The following CACNA1C variants were observed in gnomAD, a reference collection of about 807,000 sequenced individuals.
CACNA1C encodes the protein voltage-dependent L-type calcium channel subunit alpha-1C.
A neutral mutation model predicts 229.0 loss-of-function variants in CACNA1C; 30 were observed. The observed-to-expected ratio is 0.13, with a 90% CI of 0.10 to 0.18. The LOEUF (loss-of-function observed/expected upper bound fraction) is 0.18. Among genes scored for constraint, CACNA1C ranks in the 10% least tolerant of loss-of-function variants. CACNA1C has a pLI of 1.00. For missense variants in CACNA1C, 1,658 were observed against 2,845.0 expected, an observed-to-expected ratio of 0.58 and a Z score of 9.49; for synonymous variants, 1,114 against 1,132.5, an observed-to-expected ratio of 0.98 and a Z score of 0.33.
chr12:2,690,370 C>T (rs1327897887), intron 46 of CACNA1C, among the ~76,000 whole-genome samples: 1 of 152,198 alleles, frequency 6.6e-6, no homozygotes, highest in African/African-American at 2.4e-5. Flanking sequence ...CGCTCTGTCA[C>T]CCAGGCTGGA....
chr12:2,433,758 G>A (rs931190244), intron 3 of CACNA1C, among the ~76,000 whole-genome samples: 2 of 152,120 alleles, frequency 1.3e-5, no homozygotes, highest in Non-Finnish European at 2.9e-5. Flanking sequence ...GCTTAGTCCT[G>A]CCGACTTCCT....
chr12:2,253,705 T>C (rs1044041088), intron 3 of CACNA1C, among the ~76,000 whole-genome samples: 1 of 152,250 alleles, frequency 6.6e-6, no homozygotes, highest in Non-Finnish European at 1.5e-5. Flanking sequence ...AGTCAGTAAA[T>C]GTCAGTTTCT....
At chr12:2,543,014 G>A (rs955275590) in intron 9 of CACNA1C, among the ~76,000 whole-genome samples, 3 of 152,142 alleles carry the variant, frequency 2.0e-5, no homozygotes, top group South Asian at 4.2e-4. Flanking sequence ...CAAATCTCTT[G>A]AGAGGCCAGC....
chr12:2,470,617 C>T (rs778660655), intron 5 of CACNA1C, among the ~76,000 whole-genome samples: 63 of 152,146 alleles, frequency 4.1e-4, no homozygotes, highest in Non-Finnish European at 7.8e-4. Flanking sequence ...CTGTGTGCCT[C>T]GATTTCCTGA....
At chr12:1,996,744 G>A (rs1461496442) in intron 1 of CACNA1C, among the ~76,000 whole-genome samples, 5 of 150,976 alleles carry the variant, frequency 3.3e-5, no homozygotes, top group Admixed American at 1.3e-4. Flanking sequence ...CCTATGGGCC[G>A]TGGGTTGGAC....
intron 3 of CACNA1C, among the ~76,000 whole-genome samples, chr12:2,278,967 A>G (rs918654220): frequency 6.6e-6 from 1 of 152,098 alleles, no homozygotes; most frequent in Non-Finnish European, 1.5e-5. Flanking sequence ...TGTGTTTTAA[A>G]TTTGCATTTT....
At chr12:2,441,047 C>T (rs1006203974) in intron 3 of CACNA1C, among the ~76,000 whole-genome samples, 1 of 152,196 alleles carries the variant, frequency 6.6e-6, no homozygotes, top group East Asian at 1.9e-4. Context: ...TCTGAAACAA[C>T]CTGAGATACA....
At chr12:2,055,551 A>G (rs1376393445) in intron 1 of CACNA1C, among the ~76,000 whole-genome samples, 1 of 152,158 alleles carries the variant, frequency 6.6e-6, no homozygotes, top group African/African-American at 2.4e-5. Flanking sequence ...GCCTCTCAGC[A>G]TCTCCCTGCT....
At chr12:2,457,346 C>G (rs1224225557) in intron 4 of CACNA1C, among the ~76,000 whole-genome samples, 1 of 152,228 alleles carries the variant, frequency 6.6e-6, no homozygotes, top group Non-Finnish European at 1.5e-5. Flanking sequence ...CTCGCTCAGG[C>G]CTCCCTGGGC....
intron 3 of CACNA1C, among the ~76,000 whole-genome samples, chr12:2,248,792 G>A (rs1486581670): frequency 2.0e-5 from 3 of 152,236 alleles, no homozygotes; most frequent in Admixed American, 2.0e-4. Flanking sequence ...TGGCGGTGAC[G>A]GACTTAGGTT....
chr12:2,090,869 G>A (rs1251043356), intron 1 of CACNA1C, among the ~76,000 whole-genome samples: 5 of 152,116 alleles, frequency 3.3e-5, no homozygotes, highest in East Asian at 3.8e-4. Context: ...AGTGCTTAAC[G>A]TTCTTATTCC....
At chr12:2,588,556 C>G (rs1181237419) in intron 18 of CACNA1C, among the ~76,000 whole-genome samples, 1 of 152,216 alleles carries the variant, frequency 6.6e-6, no homozygotes, top group Non-Finnish European at 1.5e-5. Context: ...CTGGCTGCAG[C>G]TTCAATTACC....
chr12:2,201,022 T>G (rs147649139), intron 3 of CACNA1C, among the ~76,000 whole-genome samples: 1,768 of 152,350 alleles, frequency 0.012, 18 homozygotes, highest in Non-Finnish European at 0.02. Flanking sequence ...TCTCGTTTTT[T>G]GGAAAGAGCT....
intron 3 of CACNA1C, among the ~76,000 whole-genome samples, chr12:2,447,380 A>G (rs2099308818): frequency 6.6e-6 from 1 of 151,980 alleles, no homozygotes; most frequent in African/African-American, 2.4e-5. Flanking sequence ...TGACCCCTGC[A>G]CTCCTTTCCC....
In CACNA1C at chr12:2,241,079, G is replaced by C. The variant is rs567998630; in HGVS notation, c.477+120649G>C. On this transcript the variant is annotated intron_variant, in intron 3 of 46. Transcript: ENST00000399655. ...GTTTACATAACCAGTACGAGGTGAG[G>C]GGGGTGGGAAGAGGGCAAGCATTTC... is the stretch of plus-strand genomic sequence containing the variant. Among the ~76,000 whole-genome samples the C allele has an allele frequency of 4.6e-5, 7 of 152,226 alleles. No homozygotes were observed. The South Asian group carries it at 1.5e-3, about 32-fold the overall frequency.
At chr12:2,194,410 C>T (rs2097341154) in intron 3 of CACNA1C, among the ~76,000 whole-genome samples, 1 of 134,426 alleles carries the variant, frequency 7.4e-6, no homozygotes, top group Non-Finnish European at 1.7e-5. Flanking sequence ...CCTGATTGTC[C>T]CCTCTTCCCC....
At chr12:2,414,345 C>T (rs759792936) in intron 3 of CACNA1C, among the ~76,000 whole-genome samples, 2 of 152,114 alleles carry the variant, frequency 1.3e-5, no homozygotes, top group African/African-American at 2.4e-5. Context: ...TTTTGTGGCT[C>T]AGAATTTGGG....
chr12:2,097,511 C>T (rs1334445241), intron 1 of CACNA1C, among the ~76,000 whole-genome samples: 6 of 152,176 alleles, frequency 3.9e-5, no homozygotes, highest in Non-Finnish European at 5.9e-5. Context: ...TTACATTCCC[C>T]ACCAGCAACA....
At chr12:2,416,365 A>G (rs2098900616) in intron 3 of CACNA1C, among the ~76,000 whole-genome samples, 2 of 152,108 alleles carry the variant, frequency 1.3e-5, no homozygotes, top group Admixed American at 6.5e-5. Context: ...GTGGTGGAAG[A>G]AAAGGAAGGA....
Sources: gnomAD v4.1 joint callset for allele counts (sites outside exome capture counted in the v4.1 genomes callset) on GRCh38, gnomAD v4.1.1 for gene constraint, MANE v1.5 for transcripts, NCBI Gene and HGNC (gene_info 2026-07-23, HGNC 2026-07-21) for gene names.